Variants in LRGUK observed in about 807,000 individuals in gnomAD.
LRGUK encodes leucine rich repeats and guanylate kinase domain containing.
LRGUK carries 65 observed loss-of-function variants against 76.0 expected under a neutral mutation model. The ratio of observed to expected loss-of-function variants is 0.85; its 90% confidence interval spans 0.70 to 1.05. The LOEUF (loss-of-function observed/expected upper bound fraction) is 1.05. Among genes scored for constraint, LRGUK ranks in the 50% least tolerant of loss-of-function variants. LRGUK has a pLI of 0.00. For synonymous variants in LRGUK, 268 were observed against 265.6 expected, an observed-to-expected ratio of 1.01 and a Z score of -0.09; for missense variants, 758 against 732.8, an observed-to-expected ratio of 1.03 and a Z score of -0.40.
exon 11 of LRGUK, chr7:134,183,747 C>T: frequency 6.2e-7 from 1 of 1,614,042 alleles, no homozygotes; most frequent in South Asian, 1.1e-5. Flanking sequence ...TCTTCCCAGC[C>T]TGGATGCCCC....
chr7:134,213,983 A>G (rs1801364954), downstream of LRGUK, among the ~76,000 whole-genome samples: 1 of 152,266 alleles, frequency 6.6e-6, no homozygotes, highest in South Asian at 2.1e-4. Flanking sequence ...TAGTAATACC[A>G]TCTTTAGCTC....
At chr7:134,151,410 G>C (rs1223548737) in intron 5 of LRGUK, among the ~76,000 whole-genome samples, 1 of 151,854 alleles carries the variant, frequency 6.6e-6, no homozygotes, top group Admixed American at 6.6e-5. Flanking sequence ...ATTAAAATAA[G>C]CTAAATTAAA....
At chr7:134,240,421 G>C (rs1300413875) in intron 16 of LRGUK, among the ~76,000 whole-genome samples, 1 of 152,174 alleles carries the variant, frequency 6.6e-6, no homozygotes, top group African/African-American at 2.4e-5. Context: ...AGCTTCAGTA[G>C]CCAATTTGAT....
intron 10 of LRGUK, among the ~76,000 whole-genome samples, chr7:134,182,974 G>A (rs901972319): frequency 6.6e-6 from 1 of 152,190 alleles, no homozygotes; most frequent in African/African-American, 2.4e-5. Context: ...TGTTCAGGCT[G>A]GTTTCGAACT....
downstream of LRGUK, among the ~76,000 whole-genome samples, chr7:134,267,832 AT>A (rs1397298644): frequency 6.6e-6 from 1 of 152,100 alleles, no homozygotes; most frequent in Non-Finnish European, 1.5e-5. Context: ...CATGTTCACT[AT>A]TTGGGTGACG....
chr7:134,137,619 CT>C (rs1797590985), intron 2 of LRGUK, among the ~76,000 whole-genome samples: 1 of 151,320 alleles, frequency 6.6e-6, no homozygotes, highest in Non-Finnish European at 1.5e-5. Context: ...AAAAAAAAAT[CT>C]ATTATTATTC....
downstream of LRGUK, among the ~76,000 whole-genome samples, chr7:134,213,268 A>T (rs1198526033): frequency 2.6e-5 from 4 of 152,276 alleles, no homozygotes; most frequent in East Asian, 3.9e-4. Flanking sequence ...TGGAGGGGAT[A>T]TAGAGGATGA....
At chr7:134,163,822 C>G (rs768075219) in intron 7 of LRGUK, among the ~76,000 whole-genome samples, 37 of 152,074 alleles carry the variant, frequency 2.4e-4, no homozygotes, top group Non-Finnish European at 4.6e-4. Context: ...CATGTTCATT[C>G]AAAATTTTGT....
intron 10 of LRGUK, among the ~76,000 whole-genome samples, chr7:134,182,005 C>G (rs944376034): frequency 6.6e-6 from 1 of 152,176 alleles, no homozygotes; most frequent in African/African-American, 2.4e-5. Flanking sequence ...ACCTCCCTCC[C>G]TCTCATCTTC....
At chr7:134,176,453 C>T (rs997692487) in intron 8 of LRGUK, among the ~76,000 whole-genome samples, 8 of 152,224 alleles carry the variant, frequency 5.3e-5, no homozygotes, top group Non-Finnish European at 1.2e-4. Flanking sequence ...GATCTCGGCT[C>T]ACTGCAAGCT....
exon 4 of LRGUK, chr7:134,143,150 C>T (rs751622301): frequency 1.3e-6 from 2 of 1,595,890 alleles, no homozygotes; most frequent in South Asian, 1.1e-5. Flanking sequence ...TCAAGCCACC[C>T]AAAAACCTCA....
intron 16 of LRGUK, among the ~76,000 whole-genome samples, chr7:134,242,744 C>T (rs1802194986): frequency 6.6e-6 from 1 of 151,846 alleles, no homozygotes; most frequent in African/African-American, 2.4e-5. Context: ...GGCAGAGACA[C>T]AACAAAAAAA....
At chr7:134,130,416 A>C (rs1018333441) in intron 1 of LRGUK, among the ~76,000 whole-genome samples, 91 of 152,304 alleles carry the variant, frequency 6.0e-4, no homozygotes, top group African/African-American at 2.2e-3. Flanking sequence ...CCATTAACAA[A>C]CCATAGAAGG....
intron 16 of LRGUK, among the ~76,000 whole-genome samples, chr7:134,231,964 T>C (rs1350281107): frequency 6.6e-6 from 1 of 151,948 alleles, no homozygotes; most frequent in South Asian, 2.1e-4. Flanking sequence ...TTTCCTCACT[T>C]ATTTATTTAT....
chr7:134,170,542 C>T (rs1799197327), intron 7 of LRGUK, among the ~76,000 whole-genome samples: 1 of 152,020 alleles, frequency 6.6e-6, no homozygotes, highest in African/African-American at 2.4e-5. Context: ...AGAATTGTCA[C>T]ATTTCTAACA....
chr7:134,140,426 T>C (rs368704325), intron 3 of LRGUK, among the ~76,000 whole-genome samples: 54 of 152,338 alleles, frequency 3.5e-4, no homozygotes, highest in African/African-American at 1.2e-3. Flanking sequence ...AGGTATTTGT[T>C]ATGACACCTT....
chr7:134,177,793 G>T (rs1387911148), intron 9 of LRGUK, among the ~76,000 whole-genome samples: 1 of 152,210 alleles, frequency 6.6e-6, no homozygotes, highest in Non-Finnish European at 1.5e-5. Context: ...ACAGATGCCA[G>T]TCTGTCATTA....
At chr7:134,172,595 A>G (rs1799303266) in intron 7 of LRGUK, among the ~76,000 whole-genome samples, 1 of 152,224 alleles carries the variant, frequency 6.6e-6, no homozygotes, top group South Asian at 2.1e-4. Context: ...CTGACCAGCA[A>G]TGTGTGCAAG....
intron 15 of LRGUK, 21 bp from the exon 16 acceptor site, chr7:134,221,758 T>C (rs770127027): frequency 1.4e-6 from 2 of 1,465,592 alleles, no homozygotes; most frequent in Non-Finnish European, 1.8e-6. Flanking sequence ...TATTTTAAAC[T>C]TTATTTTTTT....
Sources: gnomAD v4.1 joint callset for allele counts (sites outside exome capture counted in the v4.1 genomes callset) on GRCh38, gnomAD v4.1.1 for gene constraint, MANE v1.5 for transcripts, NCBI Gene and HGNC (gene_info 2026-07-23, HGNC 2026-07-21) for gene names.